CPN1: variants seen among roughly 807,000 people sequenced by gnomAD.
CPN1 encodes carboxypeptidase N catalytic chain.
CPN1 carries 37 observed loss-of-function variants against 46.4 expected under a neutral mutation model. That is an observed-to-expected ratio of 0.80 (90% CI 0.61 to 1.05). The LOEUF is 1.05. Among genes scored for constraint, CPN1 ranks in the 50% least tolerant of loss-of-function variants. The pLI, the probability that CPN1 is intolerant of heterozygous loss-of-function variation, is 0.00. For missense variants in CPN1, 563 were observed against 602.6 expected (o/e 0.93, Z 0.69); for synonymous variants, 224 against 235.4 (o/e 0.95, Z 0.44).
chr10:100,043,400 G>GA (rs11395382), intron 8 of CPN1, among the ~76,000 whole-genome samples: 63,149 of 147,064 alleles, frequency 0.43, 13,988 homozygotes, highest in Middle Eastern at 0.53. Context: ...ATCTCAAAAA[G>GA]AAAAAAAAAA....
chr10:100,055,968 AAT>A (rs1432658809), intron 6 of CPN1, among the ~76,000 whole-genome samples: 18 of 152,370 alleles, frequency 1.2e-4, no homozygotes, highest in African/African-American at 4.3e-4. Flanking sequence ...TGGATGTGCA[AAT>A]ATCTCTTTGA....
Position 100,063,829 on chromosome 10 carries a change from A to G in CPN1, c.760-104T>C, listed in dbSNP as rs914758561. 5.5e-5 allele frequency: 45 copies of G among 824,452 alleles called. No homozygotes were observed. In the South Asian group the frequency reaches 6.0e-4, roughly 11 times the overall value. 51.1% of individuals were successfully genotyped at this position (824,452 alleles called of 1,614,324 possible). ...AGCCAAGAAGCCCTGCTGGGTATATAAACAGTGGATTATTTGCTTTAGTGA... is the reference window on the plus strand; with the variant it reads ...AGCCAAGAAGCCCTGCTGGGTATATGAACAGTGGATTATTTGCTTTAGTGA... On this transcript the variant is annotated intron_variant, in intron 4 of 8. Transcript: ENST00000370418.
chr10:100,074,113 C>T (rs1224119657), intron 2 of CPN1, among the ~76,000 whole-genome samples: 1 of 152,174 alleles, frequency 6.6e-6, no homozygotes, highest in Non-Finnish European at 1.5e-5. Context: ...TTAATTCCTC[C>T]TTGCCCAGTA....
intron 3 of CPN1, among the ~76,000 whole-genome samples, chr10:100,068,154 C>CAA (rs753569536): frequency 0.14 from 7,646 of 54,980 alleles, 520 homozygotes; most frequent in African/African-American, 0.29. Flanking sequence ...GACTCTGTCT[C>CAA]AAAAAAAAAA....
chr10:100,047,464 T>A (rs1269812488), intron 8 of CPN1, among the ~76,000 whole-genome samples: 1 of 152,178 alleles, frequency 6.6e-6, no homozygotes, highest in Non-Finnish European at 1.5e-5. Context: ...AAATTCATGG[T>A]CAGAGAGCCC....
rs868761935 is a variant in CPN1, at chr10:100,044,443, C to T, written c.1231-1870G>A. Among the ~76,000 whole-genome samples, 5 of 152,084 alleles carry T rather than the reference C, an allele frequency of 3.3e-5. No individual in the cohort carries two copies. The South Asian group carries it at 8.3e-4, about 25-fold the overall frequency. On this transcript the variant is annotated intron_variant, in intron 8 of 8. Transcript: ENST00000370418. ...AGGCTGGAGTGCAGTGGTGCAATCA[C>T]GGTTCACTGCAGGCTCCATCTCCTG... is the stretch of plus-strand genomic sequence containing the variant.
In CPN1 at chr10:100,081,528, C is replaced by T. The variant is rs1192584380; in HGVS notation, c.98G>A (p.Arg33Gln). The change falls in exon 1 of 9, where the codon CGG becomes CAG. Residue 33 changes from arginine (R) to glutamine (Q), a missense_variant. Arg to Gln is a conservative substitution (Grantham distance 43). Transcript: ENST00000370418. ...FRHHRYDDLV[R>Q]TLYKVQNECP... is the part of the protein sequence containing the mutation. Reference sequence around the variant, plus strand: ...TTCGTTTTGCACCTTGTACAGCGTCCGCACAAGATCATCATAGCGGTGGTG... The same window carrying T: ...TTCGTTTTGCACCTTGTACAGCGTCTGCACAAGATCATCATAGCGGTGGTG... 1 of 1,614,140 alleles carries T rather than the reference C, an allele frequency of 6.2e-7. No individual in the cohort carries two copies. The highest frequency in any genetic ancestry group is 1.1e-5 in the South Asian group (1 of 91,082).
rs189858188 is a variant in CPN1 at position 100,075,336 on chromosome 10, A to G, written c.420+575T>C. Among the ~76,000 whole-genome samples the G allele has an allele frequency of 2.4e-3, 366 of 152,318 alleles. 1 individual carries two copies. Among genetic ancestry groups the G allele is most frequent in the African/African-American group, 8.5e-3 (354 of 41,568 alleles). On this transcript the variant is annotated intron_variant, in intron 2 of 8. Transcript: ENST00000370418. ...ATTTTTTCTTATCGGTCCCACTGCA[A>G]ATATAACTCTAAAATATAGAATCAA...
At chr10:100,074,729 T>C (rs1178937170) in intron 2 of CPN1, among the ~76,000 whole-genome samples, 1 of 152,044 alleles carries the variant, frequency 6.6e-6, no homozygotes, top group African/African-American at 2.4e-5. Flanking sequence ...AAACCCTGCC[T>C]TTTAAACACA....
chr10:100,063,774 T>C (rs1254475184), intron 4 of CPN1, 49 bp from the exon 5 acceptor site: 4 of 1,409,634 alleles, frequency 2.8e-6, no homozygotes, highest in Non-Finnish European at 4.0e-6. Flanking sequence ...CCAACTCAAA[T>C]GGCAATGCTC....
intron 8 of CPN1, among the ~76,000 whole-genome samples, chr10:100,045,235 A>C (rs2041301203): frequency 6.6e-6 from 1 of 152,222 alleles, no homozygotes; most frequent in South Asian, 2.1e-4. Context: ...AATCCTTTGA[A>C]ATTGAGTGTG....
Position 100,042,551 on chromosome 10 carries a change from C to A in CPN1, c.1253G>T (p.Ser418Ile). Residue 418 changes from serine to isoleucine, a missense_variant, in exon 9 of 9, where the codon AGC (serine) becomes ATC (isoleucine). Ser to Ile is a moderately radical substitution (Grantham distance 142). Transcript: ENST00000370418. ...CCTCACAGGGCTTACTTGAGGGATG[C>A]TTCTTTTGAGGTGGAAGTTAACCTG... is the stretch of plus-strand genomic sequence containing the variant. ...PTLVNFHLKRSIPQVSPVRRA... is the reference protein window; with the variant it reads ...PTLVNFHLKRIIPQVSPVRRA... 6.2e-7 allele frequency: 1 copy of A among 1,613,876 alleles called. No individual in the cohort carries two copies. The highest frequency in any genetic ancestry group is 8.5e-7 in the Non-Finnish European group (1 of 1,180,000).
Position 100,065,270 on chromosome 10 carries a change from T to C in CPN1, c.677A>G (p.Tyr226Cys), listed in dbSNP as rs978817650. 3.1e-6 allele frequency: 5 copies of C among 1,613,966 alleles called. No homozygotes were observed. The highest frequency in any genetic ancestry group is 1.7e-5 in the Admixed American group (1 of 59,982). Residue 226 changes from tyrosine (Y) to cysteine (C), a missense_variant, in exon 4 of 9, where the codon TAT (tyrosine) becomes TGT (cysteine). By Grantham distance (194) the Tyr-to-Cys change is radical. Coordinates refer to ENST00000370418, the MANE Select transcript of CPN1 (RefSeq NM_001308.3). ...GACCCGGTGCTCAAAGGACTTGTCATACGGGTAATTGGCCACCACCGCCCC... is the reference window on the plus strand; with the variant it reads ...GACCCGGTGCTCAAAGGACTTGTCACACGGGTAATTGGCCACCACCGCCCC... ...HGGAVVANYP[Y>C]DKSFEHRVRG...
intron 8 of CPN1, among the ~76,000 whole-genome samples, chr10:100,044,349 C>T (rs1350423586): frequency 6.6e-6 from 1 of 152,048 alleles, no homozygotes; most frequent in Non-Finnish European, 1.5e-5. Flanking sequence ...GCAAAGAAAA[C>T]ACTGGGCCCC....
intron 7 of CPN1, among the ~76,000 whole-genome samples, chr10:100,053,272 T>C (rs1477150515): frequency 6.6e-6 from 1 of 152,170 alleles, no homozygotes. Context: ...AAACAGATTG[T>C]AGGAATTGTG....
At chr10:100,055,091 A>T (rs1344920003) in intron 6 of CPN1, among the ~76,000 whole-genome samples, 1 of 151,762 alleles carries the variant, frequency 6.6e-6, no homozygotes, top group East Asian at 1.9e-4. Context: ...TACAAAAATT[A>T]GCCAGGTGTG....
chr10:100,053,073 G>A (rs1301838928), intron 7 of CPN1, among the ~76,000 whole-genome samples: 1 of 152,164 alleles, frequency 6.6e-6, no homozygotes, highest in Non-Finnish European at 1.5e-5. Context: ...AAAAAGGATG[G>A]TTCCTGAGTT....
chr10:100,055,998 T>C (rs1408201426), intron 6 of CPN1, among the ~76,000 whole-genome samples: 3 of 152,270 alleles, frequency 2.0e-5, no homozygotes, highest in African/African-American at 7.2e-5. Flanking sequence ...ATTTCCGTTC[T>C]TTTGAATATA....
intron 6 of CPN1, among the ~76,000 whole-genome samples, chr10:100,055,836 CT>C (rs1365183538): frequency 1.3e-5 from 2 of 152,166 alleles, no homozygotes; most frequent in Non-Finnish European, 2.9e-5. Context: ...AATTTCTTTC[CT>C]TTTTAAGGCT....
Sources: gnomAD v4.1 joint callset for allele counts (sites outside exome capture counted in the v4.1 genomes callset) on GRCh38, gnomAD v4.1.1 for gene constraint, MANE v1.5 for transcripts, NCBI Gene and HGNC (gene_info 2026-07-23, HGNC 2026-07-21) for gene names.